The following LHX8 variants were observed in gnomAD, a reference collection of about 807,000 sequenced individuals.
LHX8 encodes the protein LIM/homeobox protein Lhx8.
In LHX8, 12 loss-of-function variants were observed where a neutral mutation model predicts 40.3. The observed-to-expected ratio is 0.30, with a 90% CI of 0.19 to 0.48. The LOEUF (loss-of-function observed/expected upper bound fraction) is 0.48, where lower values mean the gene tolerates loss of function less well. LHX8 is among the 20% of genes least tolerant of loss of function. The pLI, the probability that LHX8 is intolerant of heterozygous loss-of-function variation, is 0.99. For synonymous variants in LHX8, 179 were observed against 162.0 expected, an observed-to-expected ratio of 1.10 and a Z score of -0.80; for missense variants, 344 against 433.7, an observed-to-expected ratio of 0.79 and a Z score of 1.84.
chr1:75,141,188 C>T (rs1303220619), intron 4 of LHX8, 82 bp downstream of exon 4: 1 of 1,484,246 alleles, frequency 6.7e-7, no homozygotes, highest in East Asian at 2.3e-5. Flanking sequence ...TTTTCTTGTT[C>T]AGTTTTATTT....
At chr1:75,182,085 G>A in the LHX8 span, among the ~76,000 whole-genome samples, 1 of 152,088 alleles carries the variant, frequency 6.6e-6, no homozygotes, top group Non-Finnish European at 1.5e-5. Context: ...AGCTAACATT[G>A]AGAAAAGTTT....
At chr1:75,156,572 A>G (rs1308598668) in intron 7 of LHX8, among the ~76,000 whole-genome samples, 1 of 152,126 alleles carries the variant, frequency 6.6e-6, no homozygotes, top group Non-Finnish European at 1.5e-5. Context: ...ATTGCATTCA[A>G]GGGGTAACCT....
the LHX8 span, among the ~76,000 whole-genome samples, chr1:75,167,649 A>G: frequency 6.6e-6 from 1 of 152,300 alleles, no homozygotes; most frequent in African/African-American, 2.4e-5. Flanking sequence ...AAGTTTTATT[A>G]TAATTTTCCT....
intron 2 of LHX8, among the ~76,000 whole-genome samples, 190 bp downstream of exon 2, chr1:75,136,879 C>A (rs1648157204): frequency 6.6e-6 from 1 of 151,824 alleles, no homozygotes; most frequent in Non-Finnish European, 1.5e-5. Flanking sequence ...GGCCGCAAGA[C>A]TTCTGGGGTC....
At chr1:75,153,240 G>T (rs1486114541) in intron 7 of LHX8, among the ~76,000 whole-genome samples, 1 of 152,066 alleles carries the variant, frequency 6.6e-6, no homozygotes, top group Non-Finnish European at 1.5e-5. Flanking sequence ...TGAGTAGCTG[G>T]GACTACAGGT....
At chr1:75,176,269 C>G in the LHX8 span, among the ~76,000 whole-genome samples, 1 of 152,188 alleles carries the variant, frequency 6.6e-6, no homozygotes, top group African/African-American at 2.4e-5. Context: ...AATGGTTTAA[C>G]TAGTTTACAC....
intron 1 of LHX8, 48 bp downstream of exon 1, chr1:75,135,002 G>A: frequency 1.1e-6 from 1 of 902,926 alleles, no homozygotes; most frequent in Non-Finnish European, 1.3e-6. Flanking sequence ...TGGCGGTCCG[G>A]GAGAGTGGGT....
intron 3 of LHX8, among the ~76,000 whole-genome samples, chr1:75,139,994 G>A (rs1648268723): frequency 6.6e-6 from 1 of 152,120 alleles, no homozygotes; most frequent in Non-Finnish European, 1.5e-5. Context: ...TCTTTTACAT[G>A]AAATTCAATT....
At chr1:75,153,404 T>A (rs1648666280) in intron 7 of LHX8, among the ~76,000 whole-genome samples, 1 of 150,550 alleles carries the variant, frequency 6.6e-6, no homozygotes, top group South Asian at 2.1e-4. Context: ...ACGCCTGGCC[T>A]TTTTGTTTTG....
chr1:75,178,794 T>G, the LHX8 span, among the ~76,000 whole-genome samples: 1 of 152,244 alleles, frequency 6.6e-6, no homozygotes, highest in Non-Finnish European at 1.5e-5. Context: ...TTTCTTGCTT[T>G]CTCTTGTGGG....
intron 1 of LHX8, among the ~76,000 whole-genome samples, chr1:75,136,288 G>C (rs1314671747): frequency 1.3e-5 from 2 of 152,100 alleles, no homozygotes; most frequent in Non-Finnish European, 2.9e-5. Flanking sequence ...TTTGTGAGGG[G>C]ATGATTGTTA....
intron 1 of LHX8, among the ~76,000 whole-genome samples, chr1:75,136,222 C>T (rs1233335251): frequency 6.6e-6 from 1 of 151,782 alleles, no homozygotes; most frequent in South Asian, 2.1e-4. Context: ...TGCCCCGCAC[C>T]CCCTTTAGCC....
the LHX8 span, among the ~76,000 whole-genome samples, chr1:75,198,279 C>T: frequency 6.6e-6 from 1 of 152,188 alleles, no homozygotes; most frequent in Non-Finnish European, 1.5e-5. Context: ...TCTTCCAGTA[C>T]TGTGATGCCC....
chr1:75,143,087 T>C, intron 4 of LHX8, 31 bp from the exon 5 acceptor site: 5 of 1,571,412 alleles, frequency 3.2e-6, no homozygotes, highest in East Asian at 2.2e-5. Context: ...GGCATTAAAA[T>C]ATTTACCTTC....
At chr1:75,142,043 G>T (rs1350158474) in intron 4 of LHX8, among the ~76,000 whole-genome samples, 1 of 152,062 alleles carries the variant, frequency 6.6e-6, no homozygotes, top group Admixed American at 6.6e-5. Flanking sequence ...ATATTTCTCA[G>T]CAGGTTTACT....
downstream of LHX8, among the ~76,000 whole-genome samples, chr1:75,162,443 G>T (rs1648942519): frequency 1.3e-5 from 2 of 152,274 alleles, no homozygotes; most frequent in African/African-American, 4.8e-5. Flanking sequence ...GCTCTGCACT[G>T]TTAGCAGTTT....
chr1:75,179,881 C>T, the LHX8 span, among the ~76,000 whole-genome samples: 1 of 152,060 alleles, frequency 6.6e-6, no homozygotes, highest in South Asian at 2.1e-4. Flanking sequence ...GTAAGGCAGG[C>T]CTGGTGGTGA....
chr1:75,157,631 C>T (rs1648806163), intron 8 of LHX8, among the ~76,000 whole-genome samples: 1 of 152,212 alleles, frequency 6.6e-6, no homozygotes, highest in Non-Finnish European at 1.5e-5. Flanking sequence ...AGTAACATGG[C>T]ACTGATTTCT....
At chr1:75,158,843 A>T (rs1648838978) in intron 8 of LHX8, among the ~76,000 whole-genome samples, 1 of 152,110 alleles carries the variant, frequency 6.6e-6, no homozygotes, top group Non-Finnish European at 1.5e-5. Flanking sequence ...GTTTTCATAA[A>T]ATTTACCTAC....
Sources: allele counts gnomAD v4.1 joint callset (sites outside exome capture counted in the v4.1 genomes callset), GRCh38; gene constraint gnomAD v4.1.1; transcripts MANE v1.5; gene names NCBI Gene and HGNC (gene_info 2026-07-23, HGNC 2026-07-21).